Variants in ZNF232 observed in about 807,000 individuals in gnomAD.
The protein encoded by ZNF232 is zinc finger and SCAN domain-containing protein 11.
ZNF232 carries 25 observed loss-of-function variants against 25.2 expected under a neutral mutation model. The ratio of observed to expected loss-of-function variants is 0.99; its 90% CI spans 0.72 to 1.39. The LOEUF (loss-of-function observed/expected upper bound fraction) is 1.39, where lower values mean the gene tolerates loss of function less well. Ranked by LOEUF, ZNF232 falls within the 40% of genes most tolerant of loss-of-function variation. The pLI is 0.00. For missense variants in ZNF232, 519 were observed against 520.9 expected (o/e 1.00, Z 0.04); for synonymous variants, 193 against 182.9 (o/e 1.06, Z -0.45).
chr17:5,120,288 TGG>T (rs898856415), intron 1 of ZNF232, among the ~76,000 whole-genome samples: 2 of 151,046 alleles, frequency 1.3e-5, no homozygotes, highest in African/African-American at 4.9e-5. Flanking sequence ...AAGGCAGTGG[TGG>T]GGGCAAGGTC....
chr17:5,106,082 G>A (rs1331564744), exon 4 of ZNF232: 8 of 1,614,132 alleles, frequency 5.0e-6, no homozygotes, highest in Admixed American at 1.7e-5. Context: ...CATTACATTC[G>A]AAGGGTTTCT....
chr17:5,118,347 T>C (rs1403002858), intron 1 of ZNF232: 3 of 152,436 alleles, frequency 2.0e-5, no homozygotes, highest in Admixed American at 1.3e-4. Context: ...ATGAGCAAGC[T>C]CTTTGCGGAG....
At position 5,109,069 on chromosome 17, in the gene ZNF232, A is replaced by G; in HGVS notation, c.499-17T>C. ...GCCTGGGACCTGGAGGTGATCAGGC[A>G]CCACTCAGTTTAAATTTTCTTCAAA... On this transcript the variant is annotated splice_polypyrimidine_tract_variant and intron_variant, in intron 2 of 3. Transcript: ENST00000575898. 2 of 1,613,812 alleles carry G rather than the reference A, an allele frequency of 1.2e-6. No individual in the cohort carries two copies. The highest frequency in any genetic ancestry group is 1.7e-6 in the Non-Finnish European group (2 of 1,179,890).
upstream of ZNF232, among the ~76,000 whole-genome samples, chr17:5,113,166 C>G (rs1008358601): frequency 9.8e-5 from 15 of 152,300 alleles, no homozygotes; most frequent in African/African-American, 3.6e-4. Context: ...CTTGAAAATG[C>G]GCATTGACAC....
At chr17:5,116,118 C>T (rs147299639), upstream of ZNF232, among the ~76,000 whole-genome samples, 1 of 152,348 alleles carries the variant, frequency 6.6e-6, no homozygotes, top group Admixed American at 6.5e-5. Flanking sequence ...TCCAGGCGCC[C>T]ATCAGTCTTC....
chr17:5,119,989 T>TC (rs2072615885), intron 1 of ZNF232, among the ~76,000 whole-genome samples: 1 of 152,056 alleles, frequency 6.6e-6, no homozygotes, highest in African/African-American at 2.4e-5. Context: ...TCCCAGGAAC[T>TC]CCAAGGCTCA....
At chr17:5,115,825 G>GC (rs1348777817), upstream of ZNF232, among the ~76,000 whole-genome samples, 2 of 152,186 alleles carry the variant, frequency 1.3e-5, no homozygotes, top group Non-Finnish European at 1.5e-5. Context: ...TGGCGGTCCA[G>GC]CCTCCCGGGG....
chr17:5,109,361 G>C (rs2072339067), intron 2 of ZNF232, 33 bp downstream of exon 2: 2 of 1,612,552 alleles, frequency 1.2e-6, no homozygotes, highest in Non-Finnish European at 1.7e-6. Flanking sequence ...TCATCAATCT[G>C]GCTCCCATAA....
At chr17:5,108,305 C>T (rs143197342) in intron 3 of ZNF232, among the ~76,000 whole-genome samples, 41 of 152,156 alleles carry the variant, frequency 2.7e-4, no homozygotes, top group South Asian at 1.2e-3. Flanking sequence ...TAGTGTTCGC[C>T]GCTGGGAGAG....
upstream of ZNF232, among the ~76,000 whole-genome samples, chr17:5,116,265 C>A (rs943969598): frequency 3.3e-5 from 5 of 151,980 alleles, no homozygotes; most frequent in African/African-American, 1.2e-4. Flanking sequence ...CGACGCCACT[C>A]CCGGCCCCGC....
chr17:5,117,318 C>A (rs112362507), intron 1 of ZNF232, among the ~76,000 whole-genome samples: 16,862 of 151,998 alleles, frequency 0.11, 1,056 homozygotes, highest in Middle Eastern at 0.12. Context: ...GAGTTTGAGA[C>A]CAGCCTGACC....
At chr17:5,109,046 C>G in exon 3 of ZNF232, 1 of 1,614,012 alleles carries the variant, frequency 6.2e-7, no homozygotes, top group Non-Finnish European at 8.5e-7. Flanking sequence ...TGTGCAGGGC[C>G]TGGGACCTGG....
chr17:5,109,001 C>T (rs776114095), exon 3 of ZNF232: 2 of 1,614,138 alleles, frequency 1.2e-6, no homozygotes, highest in Non-Finnish European at 1.7e-6. Flanking sequence ...CCCAGAGATT[C>T]CTTCTTCTCC....
At chr17:5,120,863 G>T (rs185526265) in intron 1 of ZNF232, 26 of 454,528 alleles carry the variant, frequency 5.7e-5, no homozygotes, top group African/African-American at 4.2e-4. Flanking sequence ...TGGAACGCTG[G>T]CAGATCCACA....
chr17:5,112,233 A>G, upstream of ZNF232: 1 of 255,218 alleles, frequency 3.9e-6, no homozygotes, highest in East Asian at 9.2e-5. Flanking sequence ...CTGTGGTAAC[A>G]CTTCTCCATG....
At chr17:5,108,740 T>A (rs1239046172) in intron 3 of ZNF232, 186 bp downstream of exon 3, 2 of 862,812 alleles carry the variant, frequency 2.3e-6, no homozygotes, top group Non-Finnish European at 3.4e-6. Context: ...GGTAGTTTAT[T>A]CTTACTCCTA....
intron 3 of ZNF232, chr17:5,106,528 C>T (rs1353436149): frequency 1.9e-6 from 3 of 1,606,354 alleles, no homozygotes; most frequent in Non-Finnish European, 2.6e-6. Context: ...TGTAAATATA[C>T]CTGTTCTGGA....
rs764892998 is a variant in ZNF232 at position 5,108,883 on chromosome 17, TC to T, written c.625+42del. Reference sequence around the variant, plus strand: ...GTACTAGGTACTGTGCCCTTTATAGTCCCTCTTTCTCCTCTCCCTCCCCACA... The same window carrying T: ...GTACTAGGTACTGTGCCCTTTATAGTCCTCTTTCTCCTCTCCCTCCCCACA... On this transcript the variant is annotated intron_variant, in intron 3 of 3. Transcript: ENST00000575898. The T allele has an allele frequency of 9.9e-6, 16 of 1,612,840 alleles. No homozygotes were observed. The Admixed American group carries it at 2.7e-4, about 27-fold the overall frequency.
exon 2 of ZNF232, chr17:5,109,611 C>T (rs767222432): frequency 5.6e-6 from 9 of 1,614,184 alleles, no homozygotes; most frequent in South Asian, 4.4e-5. Flanking sequence ...CAAGGCCTCC[C>T]GGGGACCAGG....
Sources: gnomAD v4.1 joint callset for allele counts (sites outside exome capture counted in the v4.1 genomes callset) on GRCh38, gnomAD v4.1.1 for gene constraint, MANE v1.5 for transcripts, NCBI Gene and HGNC (gene_info 2026-07-23, HGNC 2026-07-21) for gene names.